Variants in ATRNL1 observed in about 807,000 individuals in gnomAD.
The protein encoded by ATRNL1 is attractin-like protein 1.
A neutral mutation model predicts 182.7 loss-of-function variants in ATRNL1; 95 were observed. The ratio of observed to expected loss-of-function variants is 0.52; its 90% CI spans 0.44 to 0.62. ATRNL1 has a LOEUF of 0.62. Ranked by LOEUF, ATRNL1 falls within the 20% of genes least tolerant of loss-of-function variation. The pLI is 0.00. For synonymous variants in ATRNL1, 576 were observed against 568.3 expected, an observed-to-expected ratio of 1.01 and a Z score of -0.19; for missense variants, 1,471 against 1,679.5, an observed-to-expected ratio of 0.88 and a Z score of 2.17.
rs61160613 is a variant in ATRNL1, at chr10:115,336,446, G to T, written c.3175+2027G>T. Among the ~76,000 whole-genome samples, 26 of 152,258 alleles carry T rather than the reference G, an allele frequency of 1.7e-4. No individual in the cohort carries two copies. The South Asian group carries it at 5.4e-3, about 32-fold the overall frequency. The stretch of plus-strand genomic sequence containing the variant: ...GACAAGCTCTTTCTAAAGTGTTTCA[G>T]TACTGAATTTTCCATGGCCATACAT... On this transcript the variant is annotated intron_variant, in intron 19 of 28. Transcript: ENST00000355044.
Position 115,737,277 on chromosome 10 carries a change from C to T in ATRNL1, c.3903+9922C>T, listed in dbSNP as rs1383396956. ...CCTGTCTCTACAAAACATCCCCCCCCCCCAAAAAAAAAGGCTGGGCATGGT... is the reference window on the plus strand; with the variant it reads ...CCTGTCTCTACAAAACATCCCCCCCTCCCAAAAAAAAAGGCTGGGCATGGT... On this transcript the variant is annotated intron_variant, in intron 27 of 28. Transcript: ENST00000355044. 2.2e-3 allele frequency among the ~76,000 whole-genome samples: 325 copies of T among 149,770 alleles called. 2 individuals are homozygous for T. The highest frequency in any genetic ancestry group is 5.6e-3 in the South Asian group (24 of 4,318).
chr10:115,808,360 T>G (rs1949969782), intron 27 of ATRNL1, among the ~76,000 whole-genome samples: 2 of 152,284 alleles, frequency 1.3e-5, no homozygotes, highest in South Asian at 4.1e-4. Context: ...AGAAAGTAGA[T>G]TTCTTTTTAT....
chr10:115,409,788 T>A (rs1845044380), intron 20 of ATRNL1, among the ~76,000 whole-genome samples: 1 of 152,142 alleles, frequency 6.6e-6, no homozygotes, highest in Non-Finnish European at 1.5e-5. Flanking sequence ...CTGATGAACA[T>A]GTATGCAAAA....
rs1554962891 is a variant in ATRNL1, at chr10:115,426,305, A to G, written c.3322+3A>G. ...TCCACTTAGAGGAACATGTTATTGT[A>G]AGTATATGTGTATTCTTCATTTTAA... On this transcript the variant is annotated splice_donor_region_variant and intron_variant, in intron 21 of 28. Transcript: ENST00000355044. The G allele has an allele frequency of 1.2e-6, 2 of 1,603,622 alleles. No individual in the cohort carries two copies. Among genetic ancestry groups the G allele is most frequent in the Admixed American group, 3.3e-5 (2 of 59,848 alleles).
Position 115,466,820 on chromosome 10 carries a change from A to ACC in ATRNL1, c.3418-354_3418-353insCC, listed in dbSNP as rs1554970894. Among the ~76,000 whole-genome samples the ACC allele has an allele frequency of 8.6e-5, 13 of 151,364 alleles. No homozygotes were observed. The East Asian group carries it at 9.7e-4, about 11-fold the overall frequency. On this transcript the variant is annotated intron_variant, in intron 22 of 28. Coordinates refer to ENST00000355044, the MANE Select transcript of ATRNL1 (RefSeq NM_207303.4). ...CTTGGGACTAATCCAAACCTGTTTCATTTAAACCTAGCAAAAAGAATCAAA... is the reference window on the plus strand; with the variant it reads ...CTTGGGACTAATCCAAACCTGTTTCACCTTTAAACCTAGCAAAAAGAATCAAA...
At chr10:115,710,875 C>G (rs992888) in intron 26 of ATRNL1, among the ~76,000 whole-genome samples, 70,728 of 151,804 alleles carry the variant, frequency 0.47, 17,315 homozygotes, top group East Asian at 0.78. Flanking sequence ...GTGAGTTAAG[C>G]CTTCAAAATG....
chr10:115,481,230 C>G (rs1554974137), intron 24 of ATRNL1, among the ~76,000 whole-genome samples: 1 of 149,866 alleles, frequency 6.7e-6, no homozygotes, highest in East Asian at 1.9e-4. Flanking sequence ...GTTTTTAATA[C>G]TATAAGAATT....
chr10:115,116,995 T>C (rs916161034), intron 1 of ATRNL1, among the ~76,000 whole-genome samples: 1 of 151,992 alleles, frequency 6.6e-6, no homozygotes, highest in Non-Finnish European at 1.5e-5. Flanking sequence ...ACATCACTTA[T>C]AAGAGGGAGA....
intron 8 of ATRNL1, among the ~76,000 whole-genome samples, chr10:115,200,880 C>A (rs1848545562): frequency 1.3e-5 from 2 of 149,976 alleles, no homozygotes; most frequent in African/African-American, 4.9e-5. Flanking sequence ...CACATCCTCT[C>A]CAGCACCTGT....
intron 25 of ATRNL1, among the ~76,000 whole-genome samples, chr10:115,533,189 CCTTGTACCT>C (rs1276658861): frequency 1.3e-5 from 2 of 151,514 alleles, no homozygotes; most frequent in African/African-American, 4.8e-5. Flanking sequence ...ACCAGTTCCT[CCTTGTACCT>C]CTGGTAGAAT....
chr10:115,862,028 T>C (rs994143168), intron 28 of ATRNL1, among the ~76,000 whole-genome samples: 2 of 152,206 alleles, frequency 1.3e-5, no homozygotes. Context: ...ACCACTTTTC[T>C]TGATGACCTG....
At chr10:115,316,282 A>G (rs1372652356) in intron 18 of ATRNL1, among the ~76,000 whole-genome samples, 1 of 152,188 alleles carries the variant, frequency 6.6e-6, no homozygotes, top group East Asian at 1.9e-4. Flanking sequence ...TGCAAAGGAC[A>G]TGATCTCATT....
At chr10:115,420,958 T>G (rs570294696) in intron 20 of ATRNL1, among the ~76,000 whole-genome samples, 1 of 152,194 alleles carries the variant, frequency 6.6e-6, no homozygotes, top group East Asian at 1.9e-4. Context: ...AAGAAATGAA[T>G]AAATTTCTTA....
At chr10:115,531,158 G>C (rs1229663060) in intron 25 of ATRNL1, among the ~76,000 whole-genome samples, 5 of 151,918 alleles carry the variant, frequency 3.3e-5, no homozygotes, top group African/African-American at 9.7e-5. Context: ...TGGGATGGCT[G>C]GGTCAAATGG....
chr10:115,480,235 C>CAA (rs1554973897), intron 24 of ATRNL1, among the ~76,000 whole-genome samples: 9 of 150,154 alleles, frequency 6.0e-5, no homozygotes, highest in Non-Finnish European at 8.9e-5. Context: ...CACACACACA[C>CAA]AAAACAGAAA....
chr10:115,129,675 T>C (rs1181377387), intron 5 of ATRNL1, 140 bp downstream of exon 5: 15 of 630,868 alleles, frequency 2.4e-5, no homozygotes, highest in Non-Finnish European at 3.6e-5. Context: ...ATGTTCAGAT[T>C]AATAATCAAC....
At chr10:115,588,247 A>C (rs185861054) in intron 26 of ATRNL1, among the ~76,000 whole-genome samples, 1 of 152,082 alleles carries the variant, frequency 6.6e-6, no homozygotes, top group South Asian at 2.1e-4. Flanking sequence ...CCTCAGCTCT[A>C]TGCCATGGAT....
chr10:115,937,599 C>A (rs1405848444), intron 28 of ATRNL1, among the ~76,000 whole-genome samples: 2 of 152,200 alleles, frequency 1.3e-5, no homozygotes, highest in African/African-American at 4.8e-5. Flanking sequence ...TAAATTAAGT[C>A]TGCACAATAG....
chr10:115,577,095 T>A (rs891940495), intron 26 of ATRNL1, among the ~76,000 whole-genome samples: 1 of 151,872 alleles, frequency 6.6e-6, no homozygotes, highest in African/African-American at 2.4e-5. Context: ...GGTCTATGTG[T>A]TTTAATGCCA....
Sources: allele counts gnomAD v4.1 joint callset (sites outside exome capture counted in the v4.1 genomes callset), GRCh38; gene constraint gnomAD v4.1.1; transcripts MANE v1.5; gene names NCBI Gene and HGNC (gene_info 2026-07-23, HGNC 2026-07-21).